The following KIF21B variants were observed in gnomAD, a reference collection of about 807,000 sequenced individuals.
KIF21B encodes the protein kinesin-like protein KIF21B.
KIF21B carries 85 observed loss-of-function variants against 192.9 expected under a neutral mutation model. The ratio of observed to expected loss-of-function variants is 0.44; its 90% CI spans 0.37 to 0.53. KIF21B has a LOEUF of 0.53. Among genes scored for constraint, KIF21B ranks in the 20% least tolerant of loss-of-function variants. The pLI is 0.00. For synonymous variants in KIF21B, 832 were observed against 884.6 expected (o/e 0.94, Z 1.05); for missense variants, 1,716 against 2,194.8 (o/e 0.78, Z 4.36).
At chr1:200,996,742 T>A (rs1657094015) in intron 14 of KIF21B, among the ~76,000 whole-genome samples, 1 of 152,048 alleles carries the variant, frequency 6.6e-6, no homozygotes, top group South Asian at 2.1e-4. Flanking sequence ...CTGGGGCCTG[T>A]GGGAAGGGGA....
chr1:201,004,887 C>T lies in KIF21B; in HGVS notation c.779G>A (p.Ser260Asn). ...CTTAGCAGTGAGTGTCTCATACTCA[C>T]TCGAGGGAGGTGTACCATCAGGAAG... ...TGLPDGTPPSSEYETLTAKFH... is the reference protein window; with the variant it reads ...TGLPDGTPPSNEYETLTAKFH... Residue 260 changes from serine to asparagine, a missense_variant, in exon 6 of 35, where the codon AGT becomes AAT. Physicochemically the swap from Ser to Asn is conservative, Grantham distance 46. Around this residue, in one of 3 missense-constraint regions of KIF21B, gnomAD observed 1,087 missense variants for 1,316.6 expected, o/e 0.83. Coordinates refer to ENST00000461742, the MANE Select transcript of KIF21B (RefSeq NM_001252102.2). 1 of 1,613,432 alleles carries T rather than the reference C, an allele frequency of 6.2e-7. No homozygotes were observed.
In KIF21B at chr1:200,972,186, G is replaced by C. The variant is rs548483906; in HGVS notation, c.*1335C>G. ...ATTTCCCCGGAGCTCCGCGTCCCCAGCCCCGGGGCAGAGAAACTCTGCCAA... is the reference window on the plus strand; with the variant it reads ...ATTTCCCCGGAGCTCCGCGTCCCCACCCCCGGGGCAGAGAAACTCTGCCAA... On this transcript the variant is annotated 3_prime_UTR_variant, in exon 35 of 35. Coordinates refer to ENST00000461742, the MANE Select transcript of KIF21B (RefSeq NM_001252102.2). The C allele has an allele frequency of 6.6e-6, 1 of 152,440 alleles. No individual in the cohort carries two copies. The highest frequency in any genetic ancestry group is 2.4e-5 in the African/African-American group (1 of 41,578). 9.4% of individuals were successfully genotyped at this position (152,440 alleles called of 1,614,324 possible).
intron 26 of KIF21B, 65 bp from the exon 27 acceptor site, chr1:200,985,037 G>C (rs1370764535): frequency 1.7e-6 from 2 of 1,198,320 alleles, no homozygotes; most frequent in Non-Finnish European, 2.4e-6. Flanking sequence ...CCTACTTGGT[G>C]CTGGGCTTCC....
intron 3 of KIF21B, 60 bp from the exon 4 acceptor site, chr1:201,005,754 C>A: frequency 6.5e-7 from 1 of 1,544,838 alleles, no homozygotes; most frequent in South Asian, 1.1e-5. Context: ...AGGTGGCTGC[C>A]ACATGCCTAT....
At position 200,971,655 on chromosome 1, in the gene KIF21B, T is replaced by C. The variant is rs1655217512; in HGVS notation, c.*1866A>G. On this transcript the variant is annotated 3_prime_UTR_variant, in exon 35 of 35. Transcript: ENST00000461742. ...AGGAAGAAGGATTTCCAGCCATTGC[T>C]GACAGACTGTTCAGGTCCCAGGAGA... 6.6e-6 allele frequency: 1 copy of C among 152,474 alleles called. No individual in the cohort carries two copies. The highest frequency in any genetic ancestry group is 6.5e-5 in the Admixed American group (1 of 15,292). The allele number at this position is 152,474 out of a possible 1,614,324, so 9.4% of individuals were successfully genotyped here.
At position 200,969,610 on chromosome 1, in the gene KIF21B, T is replaced by C. The variant is rs961757492; in HGVS notation, c.*3911A>G. 1 of 152,152 alleles carries C rather than the reference T, an allele frequency of 6.6e-6. No homozygotes were observed. The highest frequency in any genetic ancestry group is 2.4e-5 in the African/African-American group (1 of 41,218). 9.4% of individuals were successfully genotyped at this position (152,152 alleles called of 1,614,324 possible). On this transcript the variant is annotated 3_prime_UTR_variant, in exon 35 of 35. Coordinates refer to ENST00000461742, the MANE Select transcript of KIF21B (RefSeq NM_001252102.2). ...GCAGGACATGATTGCTAGAAAAGAG[T>C]TGGTGGGCAGGGCAGGGCCCTGATT...
At chr1:200,996,476 G>A (rs1657078120) in intron 14 of KIF21B, 81 bp from the exon 15 acceptor site, 14 of 1,215,548 alleles carry the variant, frequency 1.2e-5, no homozygotes, top group African/African-American at 1.5e-5. Context: ...GGGGAACGCA[G>A]GAACCCTCTG....
chr1:200,996,552 T>C (rs1657083112), intron 14 of KIF21B, among the ~76,000 whole-genome samples, 157 bp from the exon 15 acceptor site: 1 of 152,174 alleles, frequency 6.6e-6, no homozygotes, highest in South Asian at 2.1e-4. Flanking sequence ...ATCATTTGAA[T>C]GAGGGGGTCA....
intron 1 of KIF21B, among the ~76,000 whole-genome samples, chr1:201,015,133 G>A (rs896617372): frequency 2.6e-5 from 4 of 152,178 alleles, no homozygotes; most frequent in East Asian, 3.8e-4. Context: ...GAGAGAAACC[G>A]ATAACTCGGC....
rs921838378 is a variant in KIF21B at position 200,996,142 on chromosome 1, TAAG to T, written c.2277+51_2277+53del. On this transcript the variant is annotated intron_variant, in intron 15 of 34. Transcript: ENST00000461742. The stretch of plus-strand genomic sequence containing the variant: ...TATTTTTACGATGGTGAGTGGATTC[TAAG>T]AAGATGTCACAGGCACTCCAGGCCC... The T allele has an allele frequency of 2.7e-5, 41 of 1,523,584 alleles. No individual in the cohort carries two copies. In the Admixed American group the frequency reaches 4.9e-4, roughly 18 times the overall value. 94.4% of individuals were successfully genotyped at this position (1,523,584 alleles called of 1,614,324 possible).
chr1:200,983,599 G>T (rs975665682), intron 27 of KIF21B, among the ~76,000 whole-genome samples: 2 of 152,200 alleles, frequency 1.3e-5, no homozygotes, highest in African/African-American at 2.4e-5. Context: ...GGCCCACTGG[G>T]ACAGTGCCTA....
intron 29 of KIF21B, 42 bp from the exon 30 acceptor site, chr1:200,979,757 C>G: frequency 6.8e-7 from 1 of 1,471,656 alleles, no homozygotes; most frequent in Non-Finnish European, 9.1e-7. Flanking sequence ...GGAGGGATGT[C>G]AGCCACTAGG....
rs1438180904 is a variant in KIF21B, at chr1:201,017,642, A to G, written c.41+5701T>C. Among the ~76,000 whole-genome samples the G allele has an allele frequency of 6.6e-6, 1 of 152,224 alleles. No homozygotes were observed. The highest frequency in any genetic ancestry group is 1.5e-5 in the Non-Finnish European group (1 of 68,024). On this transcript the variant is annotated intron_variant, in intron 1 of 34. Transcript: ENST00000461742. This position sits in a 1 kb window ranked among gnomAD's most constrained non-coding sequence, Gnocchi z 4.1. ...CCCCTGCTGAGGAATGCAGAGCAAC[A>G]GAAGGCTGGCTGTGGAGGGCAGCAA...
In KIF21B at chr1:200,988,535, T is replaced by C. The variant is rs2102405965; in HGVS notation, c.3308A>G (p.Tyr1103Cys). The part of the protein sequence containing the change: ...LIYNVQQENG[Y>C]ASTDEEISEF... ...TGAGATCTCCTCATCTGTGCTGGCG[T>C]AGCCATTCTCTGTGGGAGGGCGGGA... is the stretch of plus-strand genomic sequence containing the variant. Residue 1103 changes from tyrosine (Y) to cysteine (C), a missense_variant, in exon 23 of 35, where the codon TAC (tyrosine) becomes TGC (cysteine). Transcript: ENST00000461742. 4 of 1,006,564 alleles carry C rather than the reference T, an allele frequency of 4.0e-6. No homozygotes were observed. The East Asian group carries it at 8.8e-5, about 22-fold the overall frequency. 62.4% of individuals were successfully genotyped at this position (1,006,564 alleles called of 1,614,324 possible). A position where few individuals can be genotyped will look rare whatever the true frequency, so the allele number is the denominator to read the frequency against.
chr1:200,999,549 A>C lies in KIF21B; in HGVS notation c.1768-83T>G. 1 of 1,562,524 alleles carries C rather than the reference A, an allele frequency of 6.4e-7. No homozygotes were observed. Among genetic ancestry groups the C allele is most frequent in the African/African-American group, 1.3e-5 (1 of 74,342 alleles). On this transcript the variant is annotated intron_variant, in intron 12 of 34. Transcript: ENST00000461742. The surrounding 1 kb of genome is among the most constrained non-coding windows in gnomAD (Gnocchi z 4.7). ...GAGGTGCATCCCGACACAATGCCTC[A>C]GGTGTGTCAGGAGGGTGGGGATTGG...
At position 200,974,926 on chromosome 1, in the gene KIF21B, C is replaced by G; in HGVS notation, c.4615-13G>C. The G allele has an allele frequency of 6.2e-7, 1 of 1,612,412 alleles. No homozygotes were observed. Among genetic ancestry groups the G allele is most frequent in the African/African-American group, 1.3e-5 (1 of 75,022 alleles). ...CATTGGGGATTTGCTGTGAGAGGAT[C>G]AGGGCTGGTGAGGGCTGGGGGAGGT... On this transcript the variant is annotated splice_polypyrimidine_tract_variant and intron_variant, in intron 33 of 34. Transcript: ENST00000461742.
intron 16 of KIF21B, among the ~76,000 whole-genome samples, chr1:200,992,003 AG>A: frequency 6.6e-6 from 1 of 152,372 alleles, no homozygotes; most frequent in Non-Finnish European, 1.5e-5. Flanking sequence ...GCTTCTCTGC[AG>A]GGCCTGAAGC....
In KIF21B at chr1:200,981,113, G is replaced by A. The variant is rs1341307276; in HGVS notation, c.3843-17C>T. 3.2e-6 allele frequency: 5 copies of A among 1,573,616 alleles called. No homozygotes were observed. In the South Asian group the frequency reaches 3.5e-5, roughly 11 times the overall value. ...ATGATGCCCCTTCCCGGGAGAGAGG[G>A]AGAGAAGGCATGCTCGTCAGCCAGG... On this transcript the variant is annotated splice_polypyrimidine_tract_variant and intron_variant, in intron 28 of 34. Coordinates refer to ENST00000461742, the MANE Select transcript of KIF21B (RefSeq NM_001252102.2).
Sources: allele counts gnomAD v4.1 joint callset (sites outside exome capture counted in the v4.1 genomes callset), GRCh38; gene constraint gnomAD v4.1.1; regional missense constraint gnomAD v4.1.1; non-coding constraint Gnocchi (gnomAD v3.1); transcripts MANE v1.5; gene names NCBI Gene and HGNC (gene_info 2026-07-23, HGNC 2026-07-21).